Variants in SLC25A46 observed in about 807,000 individuals in gnomAD.
SLC25A46 encodes the protein mitochondrial outer membrane protein SLC25A46.
SLC25A46 carries 39 observed loss-of-function variants against 44.6 expected under a neutral mutation model. That is an observed-to-expected ratio of 0.87 (90% confidence interval 0.68 to 1.14). The LOEUF is 1.14. Among genes scored for constraint, SLC25A46 ranks in the 50% most tolerant of loss-of-function variants. SLC25A46 has a pLI of 0.00. For synonymous variants in SLC25A46, 202 were observed against 185.8 expected (o/e 1.09, Z -0.71); for missense variants, 547 against 522.7 (o/e 1.05, Z -0.45).
chr5:110,745,591 T>G (rs1799796801), intron 3 of SLC25A46: 1 of 152,196 alleles, frequency 6.6e-6, no homozygotes, highest in East Asian at 1.9e-4. Flanking sequence ...ATGCTTCCTG[T>G]ATTTGTTAGC....
Position 110,746,361 on chromosome 5 carries a change from T to G in SLC25A46, c.462+15T>G. Reference sequence around the variant, plus strand: ...ACAAAACTCAGGTGAGAATTTTGTCTGGATTCTATTAAAGGTTTATATAAG... The same window carrying G: ...ACAAAACTCAGGTGAGAATTTTGTCGGGATTCTATTAAAGGTTTATATAAG... On this transcript the variant is annotated intron_variant, in intron 4 of 7. Coordinates refer to ENST00000355943, the MANE Select transcript of SLC25A46 (RefSeq NM_138773.4). The G allele has an allele frequency of 2.6e-6, 4 of 1,537,182 alleles. No homozygotes were observed. Among genetic ancestry groups the G allele is most frequent in the Non-Finnish European group, 3.5e-6 (4 of 1,133,154 alleles).
chr5:110,757,751 T>C (rs1017628220), intron 7 of SLC25A46, among the ~76,000 whole-genome samples: 4 of 152,134 alleles, frequency 2.6e-5, no homozygotes, highest in African/African-American at 9.7e-5. Flanking sequence ...TTGTCACTTG[T>C]ATGAGATAGC....
At chr5:110,740,733 C>G (rs1033070225) in intron 1 of SLC25A46, among the ~76,000 whole-genome samples, 1 of 152,064 alleles carries the variant, frequency 6.6e-6, no homozygotes, top group Non-Finnish European at 1.5e-5. Flanking sequence ...GGGCGGATCA[C>G]GAGGTCAGGA....
intron 7 of SLC25A46, among the ~76,000 whole-genome samples, chr5:110,760,275 T>C (rs1403548432): frequency 6.6e-6 from 1 of 152,146 alleles, no homozygotes; most frequent in East Asian, 1.9e-4. Context: ...ATTGAACCAC[T>C]TTACTTCTGT....
In SLC25A46 at chr5:110,762,998, G is replaced by A. The variant is rs1192289998; in HGVS notation, c.*1216G>A. 6.6e-6 allele frequency: 1 copy of A among 151,662 alleles called. No individual in the cohort carries two copies. 9.4% of individuals were successfully genotyped at this position (151,662 alleles called of 1,614,324 possible). A position where few individuals can be genotyped will look rare whatever the true frequency, so the allele number is the denominator to read the frequency against. On this transcript the variant is annotated 3_prime_UTR_variant, in exon 8 of 8. Transcript: ENST00000355943. ...TGTGCCCTTGTATTTTATGGGTGAG[G>A]GGAAAAAGTACATTTGTACATTTCA...
chr5:110,739,455 T>G lies in SLC25A46; in HGVS notation c.283+53T>G. On this transcript the variant is annotated intron_variant, in intron 1 of 7. Coordinates refer to ENST00000355943, the MANE Select transcript of SLC25A46 (RefSeq NM_138773.4). ...ATGAGGGGTTACTGGGGCCGCGGCT[T>G]GCGGCCTGCAGACCCCGGAAGCGGC... 2.7e-6 allele frequency: 4 copies of G among 1,497,400 alleles called. No individual in the cohort carries two copies. In the South Asian group the frequency reaches 5.1e-5, roughly 19 times the overall value. 92.8% of individuals were successfully genotyped at this position (1,497,400 alleles called of 1,614,324 possible).
chr5:110,759,917 C>T (rs1800206321), intron 7 of SLC25A46, among the ~76,000 whole-genome samples: 1 of 152,080 alleles, frequency 6.6e-6, no homozygotes, highest in Admixed American at 6.6e-5. Flanking sequence ...ATTTATAATA[C>T]AGTGCTCCTC....
At chr5:110,758,334 A>G (rs899621148) in intron 7 of SLC25A46, among the ~76,000 whole-genome samples, 1 of 152,124 alleles carries the variant, frequency 6.6e-6, no homozygotes, top group Non-Finnish European at 1.5e-5. Flanking sequence ...ACTTTTAAAA[A>G]CAATCTCATC....
chr5:110,749,518 G>A (rs141103036), intron 5 of SLC25A46, among the ~76,000 whole-genome samples: 3 of 150,756 alleles, frequency 2.0e-5, no homozygotes, highest in Non-Finnish European at 3.0e-5. Flanking sequence ...GGTGGGAAGG[G>A]GGGTAGTTGG....
intron 1 of SLC25A46, among the ~76,000 whole-genome samples, chr5:110,741,165 A>G (rs1274415161): frequency 6.6e-6 from 1 of 152,208 alleles, no homozygotes; most frequent in Non-Finnish European, 1.5e-5. Flanking sequence ...TGAATATTGT[A>G]TTATAGTTAG....
intron 7 of SLC25A46, among the ~76,000 whole-genome samples, chr5:110,758,854 C>T (rs1800177698): frequency 6.6e-6 from 1 of 152,058 alleles, no homozygotes; most frequent in Non-Finnish European, 1.5e-5. Flanking sequence ...AATACTCATA[C>T]AAGATTGTTT....
intron 5 of SLC25A46, among the ~76,000 whole-genome samples, chr5:110,750,354 A>C (rs1799934584): frequency 6.6e-6 from 1 of 152,088 alleles, no homozygotes; most frequent in Admixed American, 6.6e-5. Context: ...ATAGTCAAAT[A>C]TTCTTGAAAT....
chr5:110,753,657 A>C (rs1561605598), intron 5 of SLC25A46: 1 of 152,088 alleles, frequency 6.6e-6, no homozygotes. Context: ...TACCCATTTT[A>C]TAAAGTAGTA....
chr5:110,746,403 T>G, intron 4 of SLC25A46, 57 bp downstream of exon 4: 2 of 1,202,030 alleles, frequency 1.7e-6, no homozygotes, highest in South Asian at 1.4e-5. Flanking sequence ...TTGGGTTTAG[T>G]AATCATTAAA....
chr5:110,738,313 A>C (rs940497392), upstream of SLC25A46: 2 of 1,195,050 alleles, frequency 1.7e-6, no homozygotes, highest in African/African-American at 1.6e-5. Context: ...TTTGAACGAT[A>C]TAACTGGGAT....
At chr5:110,745,007 G>A (rs889118326) in intron 3 of SLC25A46, among the ~76,000 whole-genome samples, 10 of 152,178 alleles carry the variant, frequency 6.6e-5, no homozygotes, top group Non-Finnish European at 1.0e-4. Context: ...ATGGGTAAAT[G>A]AGGTGAAAAA....
intron 7 of SLC25A46, among the ~76,000 whole-genome samples, chr5:110,760,912 G>T (rs1386673330): frequency 6.6e-6 from 1 of 152,042 alleles, no homozygotes; most frequent in Non-Finnish European, 1.5e-5. Flanking sequence ...GCGTTACATA[G>T]TTATTGCCTT....
At chr5:110,742,339 G>T (rs1799712986) in intron 2 of SLC25A46, among the ~76,000 whole-genome samples, 1 of 152,042 alleles carries the variant, frequency 6.6e-6, no homozygotes, top group Admixed American at 6.5e-5. Context: ...AATGAGTATT[G>T]TAACTGTTTT....
chr5:110,760,238 A>G (rs27591), intron 7 of SLC25A46, among the ~76,000 whole-genome samples: 96,238 of 151,892 alleles, frequency 0.63, 33,807 homozygotes, highest in Non-Finnish European at 0.8. Context: ...TAATTCCCAT[A>G]GACTTTGATT....
Sources: gnomAD v4.1 joint callset for allele counts (sites outside exome capture counted in the v4.1 genomes callset) on GRCh38, gnomAD v4.1.1 for gene constraint, MANE v1.5 for transcripts, NCBI Gene and HGNC (gene_info 2026-07-23, HGNC 2026-07-21) for gene names.